GNA12: variants seen among roughly 807,000 people sequenced by gnomAD.
The protein encoded by GNA12 is G protein subunit alpha 12, also known as guanine nucleotide-binding protein subunit alpha-12.
GNA12 carries 9 observed loss-of-function variants against 26.0 expected under a neutral mutation model. The ratio of observed to expected loss-of-function variants is 0.35; its 90% CI spans 0.21 to 0.60. The LOEUF is 0.60. Ranked by LOEUF, GNA12 falls within the 20% of genes least tolerant of loss-of-function variation. The probability of loss-of-function intolerance (pLI) is 0.78; values close to 1 mark genes in which losing one functional copy is unlikely to be tolerated. For missense variants in GNA12, 405 were observed against 525.8 expected, an observed-to-expected ratio of 0.77 and a Z score of 2.25; for synonymous variants, 264 against 219.6, an observed-to-expected ratio of 1.20 and a Z score of -1.79.
chr7:2,733,904 G>A (rs903399408), intron 2 of GNA12, among the ~76,000 whole-genome samples: 28 of 152,300 alleles, frequency 1.8e-4, no homozygotes, highest in African/African-American at 5.8e-4. Context: ...TGCTTCTGTC[G>A]AAGATGGCCT....
chr7:2,808,323 C>CCCAG (rs1216757101), intron 1 of GNA12, among the ~76,000 whole-genome samples: 1 of 152,204 alleles, frequency 6.6e-6, no homozygotes, highest in African/African-American at 2.4e-5. Flanking sequence ...AGCTGGCCTA[C>CCCAG]CCAGGCCCTG....
At chr7:2,778,301 C>G (rs1466833615) in intron 2 of GNA12, among the ~76,000 whole-genome samples, 1 of 152,232 alleles carries the variant, frequency 6.6e-6, no homozygotes, top group Non-Finnish European at 1.5e-5. Flanking sequence ...TAAGAACAGC[C>G]AGAATAGGGC....
intron 1 of GNA12, among the ~76,000 whole-genome samples, chr7:2,825,394 G>A (rs888499599): frequency 2.0e-4 from 30 of 152,244 alleles, no homozygotes; most frequent in Admixed American, 7.9e-4. Flanking sequence ...GAGAGAGGGC[G>A]GGAAGGGGCG....
intron 1 of GNA12, among the ~76,000 whole-genome samples, chr7:2,802,415 C>A (rs1562436134): frequency 6.7e-6 from 1 of 148,956 alleles, no homozygotes; most frequent in African/African-American, 2.5e-5. Flanking sequence ...GGGTGGGGTT[C>A]AATTTTGCTG....
intron 2 of GNA12, among the ~76,000 whole-genome samples, chr7:2,741,505 G>C (rs1790503017): frequency 6.6e-6 from 1 of 152,292 alleles, no homozygotes; most frequent in African/African-American, 2.4e-5. Flanking sequence ...TCTACTTTTT[G>C]GGGAAATTCA....
At chr7:2,778,297 C>G (rs1046183400) in intron 2 of GNA12, among the ~76,000 whole-genome samples, 1 of 152,244 alleles carries the variant, frequency 6.6e-6, no homozygotes, top group Non-Finnish European at 1.5e-5. Context: ...CTCCTAAGAA[C>G]AGCCAGAATA....
chr7:2,789,368 C>G (rs374233364), intron 2 of GNA12, among the ~76,000 whole-genome samples: 1 of 146,286 alleles, frequency 6.8e-6, no homozygotes, highest in African/African-American at 2.6e-5. Flanking sequence ...ATCTCCTGAC[C>G]TCGTGATCCG....
rs1789864205 is a variant in GNA12, at chr7:2,731,088, C to T, written c.*93G>A. The T allele has an allele frequency of 6.0e-6, 5 of 826,484 alleles. No homozygotes were observed. Among genetic ancestry groups the T allele is most frequent in the Non-Finnish European group, 9.6e-6 (5 of 519,572 alleles). 51.2% of individuals were successfully genotyped at this position (826,484 alleles called of 1,614,324 possible). A position where few individuals can be genotyped will look rare whatever the true frequency, so the allele number is the denominator to read the frequency against. The stretch of plus-strand genomic sequence containing the variant: ...ATTCCAGGGCACGGATCCGAGAAAC[C>T]CACTCAAGGACCACACAGACAACAC... On this transcript the variant is annotated 3_prime_UTR_variant, in exon 4 of 4. Coordinates refer to ENST00000275364, the MANE Select transcript of GNA12 (RefSeq NM_007353.3). The surrounding 1 kb of genome is among the most constrained non-coding windows in gnomAD (Gnocchi z 6.0).
intron 2 of GNA12, among the ~76,000 whole-genome samples, chr7:2,761,875 C>A: frequency 6.6e-6 from 1 of 152,190 alleles, no homozygotes; most frequent in South Asian, 2.1e-4. Flanking sequence ...ACGTAAAATT[C>A]GGCTTCCAGC....
intron 1 of GNA12, 68 bp from the exon 2 acceptor site, chr7:2,795,211 C>A (rs1297721117): frequency 5.3e-6 from 6 of 1,128,906 alleles, no homozygotes; most frequent in Non-Finnish European, 8.0e-6. Flanking sequence ...TAGAGAAGCT[C>A]AAAATGGGCA....
At chr7:2,740,442 G>A (rs973169121) in intron 2 of GNA12, among the ~76,000 whole-genome samples, 14 of 152,266 alleles carry the variant, frequency 9.2e-5, no homozygotes, top group African/African-American at 2.6e-4. Context: ...GTCTGCAAGC[G>A]AGGAAGACAG....
chr7:2,795,577 A>G (rs1792643826), intron 1 of GNA12, among the ~76,000 whole-genome samples: 1 of 150,958 alleles, frequency 6.6e-6, no homozygotes, highest in African/African-American at 2.4e-5. Flanking sequence ...ACGGTTATCT[A>G]TGATTGCTGC....
rs879381535 is a variant in GNA12, at chr7:2,748,560, G to A, written c.526-15059C>T. ...TAGACCTAAAACCATAAAAACCCTA[G>A]AAGAAAACCTAGGCAATACCATTCA... On this transcript the variant is annotated intron_variant, in intron 2 of 3. Transcript: ENST00000275364. Among the ~76,000 whole-genome samples the A allele has an allele frequency of 3.9e-5, 6 of 152,010 alleles. No individual in the cohort carries two copies. The South Asian group carries it at 8.3e-4, about 21-fold the overall frequency.
intron 1 of GNA12, among the ~76,000 whole-genome samples, chr7:2,805,768 T>C (rs147390174): frequency 7.7e-4 from 117 of 152,332 alleles, no homozygotes; most frequent in African/African-American, 2.6e-3. Context: ...AGAAGACATT[T>C]TGTGCATTCA....
At chr7:2,786,773 G>A (rs1484484667) in intron 2 of GNA12, among the ~76,000 whole-genome samples, 3 of 152,162 alleles carry the variant, frequency 2.0e-5, no homozygotes, top group Non-Finnish European at 4.4e-5. Context: ...AGGTGTCTCT[G>A]AGCTGCTATA....
intron 1 of GNA12, among the ~76,000 whole-genome samples, chr7:2,840,851 C>T (rs1039613855): frequency 1.3e-5 from 2 of 149,928 alleles, no homozygotes; most frequent in South Asian, 4.2e-4. Context: ...GAGACTCTGT[C>T]TCAAAAAATA....
Position 2,730,321 on chromosome 7 carries a change from G to A in GNA12, c.*860C>T, listed in dbSNP as rs944848060. On this transcript the variant is annotated 3_prime_UTR_variant, in exon 4 of 4. Transcript: ENST00000275364. ...GGGACCTGGTTTCTGTGTCTTTGCC[G>A]TTGGGTTGGGCAGTGGGTGGCTAAG... 5 of 152,320 alleles carry A rather than the reference G, an allele frequency of 3.3e-5. No individual in the cohort carries two copies. The highest frequency in any genetic ancestry group is 1.9e-4 in the East Asian group (1 of 5,304). 9.4% of individuals were successfully genotyped at this position (152,320 alleles called of 1,614,324 possible). A position where few individuals can be genotyped will look rare whatever the true frequency, so the allele number is the denominator to read the frequency against.
chr7:2,765,902 A>G (rs892934146), intron 2 of GNA12, among the ~76,000 whole-genome samples: 1 of 130,726 alleles, frequency 7.6e-6, no homozygotes, highest in African/African-American at 2.8e-5. Flanking sequence ...CCAAGTTTCC[A>G]AAGTGCTGGG....
At chr7:2,750,322 G>A (rs966581604) in intron 2 of GNA12, among the ~76,000 whole-genome samples, 1 of 152,192 alleles carries the variant, frequency 6.6e-6, no homozygotes, top group African/African-American at 2.4e-5. Context: ...GAGAATCGCA[G>A]TTTACCAGGA....
Sources: allele counts gnomAD v4.1 joint callset (sites outside exome capture counted in the v4.1 genomes callset), GRCh38; gene constraint gnomAD v4.1.1; non-coding constraint Gnocchi (gnomAD v3.1); transcripts MANE v1.5; gene names NCBI Gene and HGNC (gene_info 2026-07-23, HGNC 2026-07-21).